The following TSPEAR variants were observed in gnomAD, a reference collection of about 807,000 sequenced individuals.
The protein encoded by TSPEAR is thrombospondin-type laminin G domain and EAR repeat-containing protein.
TSPEAR carries 69 observed loss-of-function variants against 71.6 expected under a neutral mutation model. The observed-to-expected ratio is 0.96, with a 90% CI of 0.79 to 1.18. The LOEUF is 1.18. Ranked by LOEUF, TSPEAR falls within the 50% of genes most tolerant of loss-of-function variation. The pLI is 0.00. For missense variants in TSPEAR, 971 were observed against 894.9 expected, an observed-to-expected ratio of 1.09 and a Z score of -1.09; for synonymous variants, 402 against 387.2, an observed-to-expected ratio of 1.04 and a Z score of -0.45.
chr21:44,578,768 C>T (rs1555924307), intron 1 of TSPEAR, among the ~76,000 whole-genome samples: 1 of 152,148 alleles, frequency 6.6e-6, no homozygotes, highest in African/African-American at 2.4e-5. Flanking sequence ...AGGCCATCCC[C>T]CCAGAAAATC....
intron 2 of TSPEAR, among the ~76,000 whole-genome samples, chr21:44,550,003 C>A (rs1353361484): frequency 6.6e-6 from 1 of 152,266 alleles, no homozygotes; most frequent in Non-Finnish European, 1.5e-5. Context: ...AGTCTCCCGC[C>A]GTGTCCCACC....
At chr21:44,587,490 A>AAAAT (rs1338910365) in intron 1 of TSPEAR, among the ~76,000 whole-genome samples, 1 of 152,230 alleles carries the variant, frequency 6.6e-6, no homozygotes, top group Non-Finnish European at 1.5e-5. Flanking sequence ...AATTCCCATC[A>AAAAT]AAATACCACC....
chr21:44,539,212 G>A (rs1333040308), intron 2 of TSPEAR: 1 of 1,538,930 alleles, frequency 6.5e-7, no homozygotes, highest in South Asian at 1.2e-5. Flanking sequence ...CCTAGGTGGG[G>A]GAAGCCACCT....
chr21:44,676,608 C>T, intron 1 of TSPEAR: 1 of 745,212 alleles, frequency 1.3e-6, no homozygotes, highest in Admixed American at 1.9e-5. Flanking sequence ...CAGACAGGTT[C>T]TGCTCAAATT....
chr21:44,554,231 G>A lies in TSPEAR; in HGVS notation c.303+13554C>T, dbSNP rs142461336. ...ACCGTGGAGAGATTATCTGGGCCAC[G>A]TGAGGACAGCAAGAAGGTGGCTGTC... On this transcript the variant is annotated intron_variant, in intron 2 of 11. Coordinates refer to ENST00000323084, the MANE Select transcript of TSPEAR (RefSeq NM_144991.3). Among the ~76,000 whole-genome samples, 9 of 152,314 alleles carry A rather than the reference G, an allele frequency of 5.9e-5. No individual in the cohort carries two copies. In the East Asian group the frequency reaches 9.6e-4, roughly 16 times the overall value.
chr21:44,611,201 A>G (rs1452795493), intron 1 of TSPEAR, among the ~76,000 whole-genome samples: 1 of 152,152 alleles, frequency 6.6e-6, no homozygotes, highest in Non-Finnish European at 1.5e-5. Context: ...CAGGGACAGA[A>G]TGATATGGTT....
At chr21:44,565,761 AG>A (rs1275938270) in intron 2 of TSPEAR, among the ~76,000 whole-genome samples, 1 of 152,250 alleles carries the variant, frequency 6.6e-6, no homozygotes, top group East Asian at 1.9e-4. Flanking sequence ...TATTATACTT[AG>A]TGGGAAAAAA....
Position 44,687,234 on chromosome 21 carries a change from A to G in TSPEAR, c.82+24199T>C, listed in dbSNP as rs987394610. ...GCGGTGTGACAGGGAGGTAGATTTC[A>G]GCTCAGCAGGAGGAAGGGTCCCCTG... is the stretch of plus-strand genomic sequence containing the variant. On this transcript the variant is annotated intron_variant, in intron 1 of 11. Transcript: ENST00000323084. The surrounding 1 kb of genome is among the most constrained non-coding windows in gnomAD (Gnocchi z 4.4). Among the ~76,000 whole-genome samples, 39 of 152,268 alleles carry G rather than the reference A, an allele frequency of 2.6e-4. No individual in the cohort carries two copies. The highest frequency in any genetic ancestry group is 2.0e-3 in the Admixed American group (30 of 15,296).
At chr21:44,676,552 T>C (rs1986321555) in intron 1 of TSPEAR, 1 of 734,204 alleles carries the variant, frequency 1.4e-6, no homozygotes, top group Non-Finnish European at 2.5e-6. Flanking sequence ...GTGAACTTGC[T>C]CTTGACTTAG....
chr21:44,508,632 G>A (rs1569151320), intron 10 of TSPEAR: 10 of 1,186,060 alleles, frequency 8.4e-6, no homozygotes, highest in African/African-American at 1.6e-5. Context: ...GCAACCTCCT[G>A]TGGCTCCACG....
chr21:44,575,434 A>C (rs1030644633), intron 1 of TSPEAR: 5 of 213,556 alleles, frequency 2.3e-5, no homozygotes, highest in African/African-American at 1.1e-4. Context: ...TCCTTTGTGC[A>C]CAACCCTCTG....
chr21:44,704,996 G>C (rs1263307573), intron 1 of TSPEAR, among the ~76,000 whole-genome samples: 1 of 152,162 alleles, frequency 6.6e-6, no homozygotes, highest in Non-Finnish European at 1.5e-5. Flanking sequence ...CTTCCCTGGG[G>C]CCCCAAGCTC....
At chr21:44,556,833 G>T (rs1409743861) in intron 2 of TSPEAR, among the ~76,000 whole-genome samples, 1 of 152,186 alleles carries the variant, frequency 6.6e-6, no homozygotes, top group Non-Finnish European at 1.5e-5. Context: ...AAGGAATAAA[G>T]AATTACAGGA....
chr21:44,614,731 T>C (rs1289734882), intron 1 of TSPEAR, among the ~76,000 whole-genome samples: 2 of 152,168 alleles, frequency 1.3e-5, no homozygotes, highest in Non-Finnish European at 2.9e-5. Context: ...CTTGACTCCA[T>C]AAGCAGACAG....
chr21:44,559,978 C>A (rs587678465), intron 2 of TSPEAR, among the ~76,000 whole-genome samples: 14 of 152,168 alleles, frequency 9.2e-5, no homozygotes, highest in Admixed American at 8.5e-4. Context: ...GACTACCTGG[C>A]AAAGTCAGAC....
intron 9 of TSPEAR, among the ~76,000 whole-genome samples, chr21:44,513,767 G>A (rs1555913016): frequency 6.6e-6 from 1 of 152,144 alleles, no homozygotes; most frequent in East Asian, 1.9e-4. Context: ...GGGAATGCCA[G>A]GGGAGGGGAG....
At chr21:44,564,572 T>C (rs982462741) in intron 2 of TSPEAR, among the ~76,000 whole-genome samples, 4 of 152,092 alleles carry the variant, frequency 2.6e-5, no homozygotes, top group African/African-American at 9.7e-5. Flanking sequence ...GGTCAACCTA[T>C]CATGAAGGTA....
At chr21:44,561,537 C>T (rs1262104244) in intron 2 of TSPEAR, among the ~76,000 whole-genome samples, 5 of 152,108 alleles carry the variant, frequency 3.3e-5, no homozygotes, top group Non-Finnish European at 7.4e-5. Context: ...AAAAAGAAAA[C>T]TTCAGGCCAA....
At chr21:44,530,022 C>T in intron 4 of TSPEAR, 68 bp from the exon 5 acceptor site, 1 of 1,452,942 alleles carries the variant, frequency 6.9e-7, no homozygotes, top group South Asian at 1.4e-5. Context: ...GAGGCGACCA[C>T]TGAGCTTGGC....
Sources: gnomAD v4.1 joint callset for allele counts (sites outside exome capture counted in the v4.1 genomes callset) on GRCh38, gnomAD v4.1.1 for gene constraint, Gnocchi (gnomAD v3.1) non-coding constraint, MANE v1.5 for transcripts, NCBI Gene and HGNC (gene_info 2026-07-23, HGNC 2026-07-21) for gene names.